Variants in KIF9 observed in about 807,000 individuals in gnomAD.
The protein encoded by KIF9 is kinesin-like protein KIF9.
A neutral mutation model predicts 94.8 loss-of-function variants in KIF9; 68 were observed. That is an observed-to-expected ratio of 0.72 (90% confidence interval 0.59 to 0.88). The LOEUF (loss-of-function observed/expected upper bound fraction) is 0.88. KIF9 is among the 40% of genes least tolerant of loss of function. The pLI, the probability that KIF9 is intolerant of heterozygous loss-of-function variation, is 0.00. For synonymous variants in KIF9, 343 were observed against 362.1 expected (o/e 0.95, Z 0.60); for missense variants, 882 against 982.5 (o/e 0.90, Z 1.37).
chr3:47,228,423 T>C lies in KIF9; in HGVS notation c.*229A>G. On this transcript the variant is annotated 3_prime_UTR_variant, in exon 21 of 21. Coordinates refer to ENST00000684063, the MANE Select transcript of KIF9 (RefSeq NM_182902.4). ...AAGTCCAAACTAGAAAGTTATTTTA[T>C]CCTGTCCCTGCATATAAGACAGTGA... 3.6e-6 allele frequency: 2 copies of C among 551,182 alleles called. No homozygotes were observed. The highest frequency in any genetic ancestry group is 3.0e-5 in the East Asian group (1 of 33,842). The allele number at this position is 551,182 out of a possible 1,614,324, so 34.1% of individuals were successfully genotyped here.
chr3:47,229,355 A>G (rs1195451619), intron 20 of KIF9, among the ~76,000 whole-genome samples: 1 of 152,190 alleles, frequency 6.6e-6, no homozygotes, highest in Non-Finnish European at 1.5e-5. Context: ...CAGGGGGAAA[A>G]TAATTTCTAT....
At chr3:47,231,752 G>C (rs1698606617) in intron 20 of KIF9, 1 of 152,184 alleles carries the variant, frequency 6.6e-6, no homozygotes, top group Admixed American at 6.6e-5. Flanking sequence ...CTGGTGATTT[G>C]TGTGCACAGC....
chr3:47,258,854 A>C (rs1335104004), intron 9 of KIF9, among the ~76,000 whole-genome samples: 1 of 151,884 alleles, frequency 6.6e-6, no homozygotes, highest in African/African-American at 2.4e-5. Context: ...GGACTAATAC[A>C]CCTTCTTTTT....
chr3:47,273,551 C>T lies in KIF9; in HGVS notation c.366+1G>A, dbSNP rs560233940. On this transcript the variant is annotated splice_donor_variant, in intron 4 of 20. Transcript: ENST00000684063. LOFTEE classifies it high-confidence loss of function. ...ATCCCACCCTTGGGCCCACTCTCTA[C>T]CTGCTGCAGGGCACGAGGGAGGATC... The T allele has an allele frequency of 6.3e-7, 1 of 1,596,522 alleles. No homozygotes were observed. The highest frequency in any genetic ancestry group is 1.1e-5 in the South Asian group (1 of 87,732).
At chr3:47,233,064 A>G (rs1698725794) in intron 20 of KIF9, among the ~76,000 whole-genome samples, 1 of 151,820 alleles carries the variant, frequency 6.6e-6, no homozygotes, top group South Asian at 2.1e-4. Flanking sequence ...TCATATCACA[A>G]AGAGCTAATT....
At position 47,267,039 on chromosome 3, in the gene KIF9, C is replaced by G; in HGVS notation, c.705G>C (p.Lys235Asn). The change falls in exon 7 of 21, where the codon AAG (lysine) becomes AAC (asparagine). Residue 235 changes from lysine (K) to asparagine (N), a missense_variant. By Grantham distance (94) the Lys-to-Asn change is moderately conservative (BLOSUM62 0). Coordinates refer to ENST00000684063, the MANE Select transcript of KIF9 (RefSeq NM_182902.4). The part of the protein sequence containing the change: ...EAHSRTLSEE[K>N]YITSKINLVD... ...CCAAGTTAATTTTGGAAGTGATGTA[C>G]TTTTCCTCTGATAAGGTCCGGGAAT... is the stretch of plus-strand genomic sequence containing the variant. The G allele has an allele frequency of 6.2e-7, 1 of 1,613,898 alleles. No individual in the cohort carries two copies. Among genetic ancestry groups the G allele is most frequent in the Non-Finnish European group, 8.5e-7 (1 of 1,180,006 alleles).
At chr3:47,241,355 CTT>C (rs529840679) in intron 16 of KIF9, among the ~76,000 whole-genome samples, 132 of 149,326 alleles carry the variant, frequency 8.8e-4, no homozygotes, top group African/African-American at 3.1e-3. Context: ...GAGTTTTGCT[CTT>C]GTCACCCAGG....
At position 47,228,477 on chromosome 3, in the gene KIF9, G is replaced by C; in HGVS notation, c.*175C>G. On this transcript the variant is annotated 3_prime_UTR_variant, in exon 21 of 21. Coordinates refer to ENST00000684063, the MANE Select transcript of KIF9 (RefSeq NM_182902.4). ...AAAACCCAAAGTGCTCTGTGGAGAT[G>C]AGCAAGGTTGTCCTTGGAGGATGCT... 1.5e-6 allele frequency: 1 copy of C among 675,600 alleles called. No individual in the cohort carries two copies. Among genetic ancestry groups the C allele is most frequent in the Non-Finnish European group, 2.7e-6 (1 of 371,624 alleles). The allele number at this position is 675,600 out of a possible 1,614,324, so 41.9% of individuals were successfully genotyped here.
intron 1 of KIF9, among the ~76,000 whole-genome samples, chr3:47,280,203 C>G (rs917695377): frequency 6.6e-6 from 1 of 152,132 alleles, no homozygotes; most frequent in Non-Finnish European, 1.5e-5. Context: ...AGCAATCCAC[C>G]CACCTCAGCC....
At chr3:47,278,776 A>G (rs1266886370) in intron 1 of KIF9, among the ~76,000 whole-genome samples, 2 of 152,136 alleles carry the variant, frequency 1.3e-5, no homozygotes, top group Non-Finnish European at 2.9e-5. Flanking sequence ...GTTCAAGACC[A>G]GCCTGGCCAA....
At chr3:47,267,335 T>C in intron 5 of KIF9, 72 bp from the exon 6 acceptor site, 1 of 1,056,134 alleles carries the variant, frequency 9.5e-7, no homozygotes, top group South Asian at 1.3e-5. Flanking sequence ...CATTTTTCAA[T>C]TATACCAATA....
chr3:47,242,982 C>G (rs1302454153), intron 16 of KIF9, 69 bp downstream of exon 16: 9 of 1,248,238 alleles, frequency 7.2e-6, no homozygotes, highest in Non-Finnish European at 7.9e-6. Flanking sequence ...TCTGCAGGTA[C>G]TCTTCACATG....
intron 10 of KIF9, among the ~76,000 whole-genome samples, chr3:47,256,975 A>G (rs147133998): frequency 6.6e-6 from 1 of 152,006 alleles, no homozygotes; most frequent in African/African-American, 2.4e-5. Flanking sequence ...ACCACTCCCT[A>G]ATCTCAAGTA....
At chr3:47,244,959 A>C (rs755512393) in intron 14 of KIF9, 35 bp from the exon 15 acceptor site, 2 of 1,612,324 alleles carry the variant, frequency 1.2e-6, no homozygotes, top group Middle Eastern at 1.7e-4. Context: ...TCTGTGAGTT[A>C]GATTAAGGGC....
At chr3:47,235,761 C>G in intron 19 of KIF9, 144 bp from the exon 20 acceptor site, 1 of 684,904 alleles carries the variant, frequency 1.5e-6, no homozygotes, top group East Asian at 2.7e-5. Context: ...GCCCTCCAGC[C>G]CCCATGTCTG....
At chr3:47,266,419 G>A (rs1324762107) in intron 7 of KIF9, among the ~76,000 whole-genome samples, 1 of 152,180 alleles carries the variant, frequency 6.6e-6, no homozygotes, top group Non-Finnish European at 1.5e-5. Context: ...CAAAGCAGGA[G>A]GATCGCTTGA....
chr3:47,254,594 T>C (rs1041724542), intron 10 of KIF9, among the ~76,000 whole-genome samples: 3 of 152,004 alleles, frequency 2.0e-5, no homozygotes, highest in East Asian at 1.9e-4. Flanking sequence ...CTGGGTGACA[T>C]AGGGAGATTG....
At chr3:47,241,705 A>G (rs1359776125) in intron 16 of KIF9, among the ~76,000 whole-genome samples, 1 of 148,786 alleles carries the variant, frequency 6.7e-6, no homozygotes, top group African/African-American at 2.5e-5. Context: ...ATATATGCAT[A>G]CACACACACA....
chr3:47,262,558 C>A (rs893795293), intron 9 of KIF9, among the ~76,000 whole-genome samples: 1 of 152,180 alleles, frequency 6.6e-6, no homozygotes, highest in African/African-American at 2.4e-5. Context: ...CAGGCATGAG[C>A]CATTACACCT....
Sources: gnomAD v4.1 joint callset for allele counts (sites outside exome capture counted in the v4.1 genomes callset) on GRCh38, gnomAD v4.1.1 for gene constraint, MANE v1.5 for transcripts, NCBI Gene and HGNC (gene_info 2026-07-23, HGNC 2026-07-21) for gene names.